The following MS4A15 variants were observed in gnomAD, a reference collection of about 807,000 sequenced individuals.
The protein encoded by MS4A15 is membrane-spanning 4-domains subfamily A member 15.
A neutral mutation model predicts 20.6 loss-of-function variants in MS4A15; 22 were observed. The observed-to-expected ratio is 1.07, with a 90% CI of 0.76 to 1.52. The LOEUF is 1.52. MS4A15 is among the 40% of genes most tolerant of loss of function. MS4A15 has a pLI of 0.00. For synonymous variants in MS4A15, 129 were observed against 129.3 expected (o/e 1.00, Z 0.02); for missense variants, 312 against 323.0 (o/e 0.97, Z 0.26).
intron 3 of MS4A15, among the ~76,000 whole-genome samples, chr11:60,770,426 C>T (rs1229066973): frequency 1.3e-5 from 2 of 151,662 alleles, no homozygotes; most frequent in African/African-American, 4.8e-5. Context: ...GGTGAAACCC[C>T]GTCTCTCCTA....
At chr11:60,773,722 C>A (rs1854104544) in intron 5 of MS4A15, 115 bp from the exon 6 acceptor site, 3 of 925,102 alleles carry the variant, frequency 3.2e-6, no homozygotes, top group Non-Finnish European at 1.8e-6. Context: ...GGGACTGGCT[C>A]CAGGCACAGC....
chr11:60,773,887 G>A lies in MS4A15; in HGVS notation c.549G>A (p.Glu183=), dbSNP rs564295835. 2.1e-5 allele frequency: 34 copies of A among 1,614,216 alleles called. No individual in the cohort carries two copies. In the East Asian group the frequency reaches 7.1e-4, roughly 34 times the overall value. The change falls in exon 6 of 7, where the codon GAG becomes GAA. Residue 183 remains glutamate (E), a synonymous_variant. Coordinates refer to ENST00000405633, the MANE Select transcript of MS4A15 (RefSeq NM_001098835.2). ...TGCTTACTATCTTCACTGTCCTGGA[G>A]TTCTTCACAGCGGTCATTGCCATGC... ...LAVLTIFTVL[E]FFTAVIAMHF...
chr11:60,774,345 G>A (rs1012838146), intron 6 of MS4A15, among the ~76,000 whole-genome samples: 11 of 152,188 alleles, frequency 7.2e-5, no homozygotes, highest in Non-Finnish European at 1.3e-4. Flanking sequence ...TTGAGCCCAG[G>A]AGGTTGAGGC....
At chr11:60,772,591 G>A (rs1291073517) in intron 4 of MS4A15, among the ~76,000 whole-genome samples, 1 of 152,194 alleles carries the variant, frequency 6.6e-6, no homozygotes, top group Non-Finnish European at 1.5e-5. Context: ...TGATCTCAAT[G>A]ACCTCCTGAT....
chr11:60,775,952 C>T lies in MS4A15; in HGVS notation c.*237C>T. The T allele has an allele frequency of 2.5e-6, 1 of 393,598 alleles. No homozygotes were observed. The highest frequency in any genetic ancestry group is 4.6e-6 in the Non-Finnish European group (1 of 216,652). 24.4% of individuals were successfully genotyped at this position (393,598 alleles called of 1,614,324 possible). A position where few individuals can be genotyped will look rare whatever the true frequency, so the allele number is the denominator to read the frequency against. On this transcript the variant is annotated 3_prime_UTR_variant, in exon 7 of 7. Transcript: ENST00000405633. Reference sequence around the variant, plus strand: ...CGTCAGGGGTGTGTGTCCTTCAGCTCCCTGAGCCCTGTCACCCTTCCAGGA... The same window carrying T: ...CGTCAGGGGTGTGTGTCCTTCAGCTTCCTGAGCCCTGTCACCCTTCCAGGA...
In MS4A15 at chr11:60,767,410, C is replaced by A. The variant is rs542339074; in HGVS notation, c.226-123C>A. ...TAATATCGCCTCTAAAGAACAGAAT[C>A]TGAGTTTCTTTCCCAGTGGCCAACA... On this transcript the variant is annotated intron_variant, in intron 2 of 6. Coordinates refer to ENST00000405633, the MANE Select transcript of MS4A15 (RefSeq NM_001098835.2). The A allele has an allele frequency of 5.8e-5, 71 of 1,220,588 alleles. No individual in the cohort carries two copies. In the African/African-American group the frequency reaches 1.0e-3, roughly 18 times the overall value. 75.6% of individuals were successfully genotyped at this position (1,220,588 alleles called of 1,614,324 possible).
intron 3 of MS4A15, among the ~76,000 whole-genome samples, chr11:60,768,187 C>T (rs1320608022): frequency 2.0e-5 from 3 of 152,082 alleles, no homozygotes. Context: ...AGCAAGACTC[C>T]ATCTCAAAAA....
chr11:60,767,501 C>G (rs771747987), intron 2 of MS4A15, 32 bp from the exon 3 acceptor site: 53 of 1,481,228 alleles, frequency 3.6e-5, no homozygotes, highest in Non-Finnish European at 4.5e-5. Context: ...TGGAACAGGG[C>G]CCGCGGCACT....
At chr11:60,762,102 TTATTA>T (rs1237592455) in intron 1 of MS4A15, among the ~76,000 whole-genome samples, 1 of 152,242 alleles carries the variant, frequency 6.6e-6, no homozygotes, top group Non-Finnish European at 1.5e-5. Context: ...GTCTCAGCTA[TTATTA>T]TATTAGCAAC....
chr11:60,767,319 C>T (rs531220585), intron 2 of MS4A15, among the ~76,000 whole-genome samples: 5 of 152,356 alleles, frequency 3.3e-5, no homozygotes, highest in African/African-American at 7.2e-5. Context: ...GAGAGCTGTG[C>T]TTTGTGGGTC....
chr11:60,759,485 C>T (rs772967963), intron 1 of MS4A15, among the ~76,000 whole-genome samples: 5 of 152,184 alleles, frequency 3.3e-5, no homozygotes, highest in Non-Finnish European at 7.3e-5. Context: ...GATATGGCCT[C>T]GTGGGATTGG....
chr11:60,767,146 C>T (rs936039014), intron 2 of MS4A15, among the ~76,000 whole-genome samples: 1 of 152,054 alleles, frequency 6.6e-6, no homozygotes, highest in Admixed American at 6.5e-5. Context: ...GTGTGATGGA[C>T]GCTGCAGATT....
intron 1 of MS4A15, 60 bp from the exon 2 acceptor site, chr11:60,763,646 T>C (rs1165282705): frequency 1.4e-6 from 2 of 1,412,542 alleles, no homozygotes; most frequent in East Asian, 4.6e-5. Context: ...ACGTTGCTTA[T>C]CAACTAAAAA....
At chr11:60,759,957 C>T (rs1020706043) in intron 1 of MS4A15, among the ~76,000 whole-genome samples, 1 of 152,256 alleles carries the variant, frequency 6.6e-6, no homozygotes, top group South Asian at 2.1e-4. Flanking sequence ...ACTCGGAGAC[C>T]GGCGCCGGTG....
intron 4 of MS4A15, chr11:60,771,644 C>A: frequency 6.9e-7 from 1 of 1,440,776 alleles, no homozygotes; most frequent in Non-Finnish European, 9.2e-7. Context: ...TCCTGCTGGG[C>A]CTTGGTGAGC....
At chr11:60,771,240 C>T (rs558580019) in intron 3 of MS4A15, 51 bp from the exon 4 acceptor site, 13 of 1,606,896 alleles carry the variant, frequency 8.1e-6, no homozygotes, top group African/African-American at 1.3e-5. Context: ...CAGGGTCTGC[C>T]CTGCCCAGGG....
At position 60,774,990 on chromosome 11, in the gene MS4A15, A is replaced by G. The variant is rs551604030; in HGVS notation, c.613-615A>G. 2.1e-4 allele frequency among the ~76,000 whole-genome samples: 32 copies of G among 152,308 alleles called. No homozygotes were observed. The Middle Eastern group carries it at 0.01, about 49-fold the overall frequency. On this transcript the variant is annotated intron_variant, in intron 6 of 6. Coordinates refer to ENST00000405633, the MANE Select transcript of MS4A15 (RefSeq NM_001098835.2). ...CCACGGTGCAGGCAAGAGAGAGCGA[A>G]GTCCTGAACCAGGCCAGGGCAGTCG...
intron 2 of MS4A15, among the ~76,000 whole-genome samples, 162 bp from the exon 3 acceptor site, chr11:60,767,371 A>G (rs1265659640): frequency 1.3e-5 from 2 of 152,124 alleles, no homozygotes; most frequent in African/African-American, 4.8e-5. Flanking sequence ...AAAAGTGTCT[A>G]TTGGTTTCTG....
At chr11:60,759,627 A>G (rs56016598) in intron 1 of MS4A15, among the ~76,000 whole-genome samples, 19,567 of 152,126 alleles carry the variant, frequency 0.13, 1,334 homozygotes, top group Admixed American at 0.16. Flanking sequence ...TGGGAATGGA[A>G]TGTCTCGGTG....
Sources: gnomAD v4.1 joint callset for allele counts (sites outside exome capture counted in the v4.1 genomes callset) on GRCh38, gnomAD v4.1.1 for gene constraint, MANE v1.5 for transcripts, NCBI Gene and HGNC (gene_info 2026-07-23, HGNC 2026-07-21) for gene names.